The following DCTD variants were observed in gnomAD, a reference collection of about 807,000 sequenced individuals.
The protein encoded by DCTD is deoxycytidylate deaminase.
In DCTD, 23 loss-of-function variants were observed where a neutral mutation model predicts 21.0. The observed-to-expected ratio is 1.09, with a 90% CI of 0.79 to 1.55. The LOEUF is 1.55. Among genes scored for constraint, DCTD ranks in the 40% most tolerant of loss-of-function variants. The pLI, the probability that DCTD is intolerant of heterozygous loss-of-function variation, is 0.00. For missense variants in DCTD, 224 were observed against 230.0 expected (o/e 0.97, Z 0.17); for synonymous variants, 71 against 81.1 (o/e 0.88, Z 0.67).
At chr4:182,911,902 AG>A (rs1737748531) in intron 3 of DCTD, among the ~76,000 whole-genome samples, 1 of 152,210 alleles carries the variant, frequency 6.6e-6, no homozygotes, top group South Asian at 2.1e-4. Flanking sequence ...AGCATTATGC[AG>A]GGGTCCTGGA....
chr4:182,897,938 A>C (rs6854046), intron 3 of DCTD, among the ~76,000 whole-genome samples: 41,164 of 151,792 alleles, frequency 0.27, 5,693 homozygotes, highest in Non-Finnish European at 0.3. Context: ...GAAACTCTGA[A>C]CCTTGCTGTC....
chr4:182,891,875 C>T (rs766178506), intron 5 of DCTD, among the ~76,000 whole-genome samples: 4 of 151,562 alleles, frequency 2.6e-5, no homozygotes, highest in Non-Finnish European at 4.4e-5. Flanking sequence ...TTTCTTTTGC[C>T]GCTTATATAT....
chr4:182,915,710 C>A, intron 1 of DCTD, 135 bp from the exon 2 acceptor site: 4 of 780,680 alleles, frequency 5.1e-6, no homozygotes, highest in Non-Finnish European at 8.4e-6. Context: ...AATCAGAAAT[C>A]ACAGCACATG....
At chr4:182,895,216 C>T (rs958699471) in intron 3 of DCTD, among the ~76,000 whole-genome samples, 4 of 152,220 alleles carry the variant, frequency 2.6e-5, no homozygotes, top group Admixed American at 6.5e-5. Flanking sequence ...GGAGTACAGA[C>T]GTGCCACCAA....
intron 1 of DCTD, 188 bp from the exon 2 acceptor site, chr4:182,915,763 T>C (rs1009534207): frequency 2.4e-6 from 2 of 824,298 alleles, no homozygotes; most frequent in Non-Finnish European, 1.7e-6. Flanking sequence ...CTTAAGAAAT[T>C]TCCTATTTCA....
intron 3 of DCTD, among the ~76,000 whole-genome samples, chr4:182,912,624 C>G (rs976752497): frequency 6.6e-5 from 10 of 152,186 alleles, no homozygotes; most frequent in African/African-American, 2.4e-4. Context: ...AAAATTCCTT[C>G]TAGAAAGGGG....
chr4:182,891,485 TA>T lies in DCTD; in HGVS notation c.459-9del. On this transcript the variant is annotated splice_polypyrimidine_tract_variant and intron_variant, in intron 5 of 5. Transcript: ENST00000438320. ...CACTTCGGTATGAATTTCCTAAAAA[TA>T]AAAACAAAATACAATTATTATCTGG... The T allele has an allele frequency of 1.3e-6, 2 of 1,591,658 alleles. No individual in the cohort carries two copies. Among genetic ancestry groups the T allele is most frequent in the Middle Eastern group, 1.7e-4 (1 of 6,022 alleles).
chr4:182,891,371 AT>A lies in DCTD; in HGVS notation c.*27del. 6.6e-7 allele frequency: 1 copy of A among 1,515,948 alleles called. No individual in the cohort carries two copies. The highest frequency in any genetic ancestry group is 1.1e-5 in the South Asian group (1 of 88,954). The allele number at this position is 1,515,948 out of a possible 1,614,324, so 93.9% of individuals were successfully genotyped here. On this transcript the variant is annotated 3_prime_UTR_variant, in exon 6 of 6. Coordinates refer to ENST00000438320, the MANE Select transcript of DCTD (RefSeq NM_001921.3). The stretch of plus-strand genomic sequence containing the variant: ...AACCTCTTAGAAGACGATAATCCCA[AT>A]CTTCTGGAGATTGAATGAGATGTAA...
chr4:182,899,305 T>C (rs71620959), intron 3 of DCTD, among the ~76,000 whole-genome samples: 8,903 of 152,294 alleles, frequency 0.058, 400 homozygotes, highest in Admixed American at 0.12. Flanking sequence ...TTTACTTTTC[T>C]GTAGGTCCTT....
At chr4:182,916,955 C>T (rs1235812219) in intron 1 of DCTD, 3 of 995,190 alleles carry the variant, frequency 3.0e-6, no homozygotes, top group African/African-American at 3.5e-5. Context: ...GCAACCCCGT[C>T]AGCTCTGATC....
At chr4:182,892,622 C>T (rs1051370522) in intron 5 of DCTD, among the ~76,000 whole-genome samples, 3 of 69,024 alleles carry the variant, frequency 4.3e-5, no homozygotes, top group Admixed American at 1.8e-4. Context: ...AGCGAGACTC[C>T]GTCTCAAAAA....
chr4:182,915,007 T>G lies in DCTD; in HGVS notation c.160A>C (p.Asn54His). Residue 54 changes from asparagine (N) to histidine (H), a missense_variant, in exon 3 of 6, where the codon AAT (asparagine) becomes CAT (histidine). Coordinates refer to ENST00000438320, the MANE Select transcript of DCTD (RefSeq NM_001921.3). ...SENKIVGIGY[N>H]GMPNGCSDDV... ...TCACTGCACCCATTTGGCATCCCAT[T>G]GTACCCAATCCCGACAATCTTGTTT... 1 of 1,614,188 alleles carries G rather than the reference T, an allele frequency of 6.2e-7. No homozygotes were observed. The highest frequency in any genetic ancestry group is 8.5e-7 in the Non-Finnish European group (1 of 1,180,022).
chr4:182,917,580 G>T (rs1322393782), upstream of DCTD: 1 of 192,402 alleles, frequency 5.2e-6, no homozygotes, highest in East Asian at 1.4e-4. The surrounding 1 kb of genome is among the most constrained non-coding windows in gnomAD (Gnocchi z 4.9). Flanking sequence ...CCCGCGGTCC[G>T]GCCGGCGGTG....
intron 3 of DCTD, among the ~76,000 whole-genome samples, chr4:182,906,172 A>G: frequency 6.6e-6 from 1 of 152,030 alleles, no homozygotes; most frequent in East Asian, 1.9e-4. Context: ...TGCTCTAACA[A>G]ATATCATAAA....
chr4:182,915,161 G>A lies in DCTD; in HGVS notation c.109-103C>T, dbSNP rs898158700. ...GGGGACTGCAGAACTCAAAACAGAC[G>A]CATAGCTGCTGCAGGTGCTGAGAGC... On this transcript the variant is annotated intron_variant, in intron 2 of 5. Transcript: ENST00000438320. 7.9e-5 allele frequency: 113 copies of A among 1,422,948 alleles called. 1 individual carries two copies. In the East Asian group the frequency reaches 1.1e-3, roughly 14 times the overall value. The allele number at this position is 1,422,948 out of a possible 1,614,324, so 88.1% of individuals were successfully genotyped here. A position where few individuals can be genotyped will look rare whatever the true frequency, so the allele number is the denominator to read the frequency against.
intron 3 of DCTD, among the ~76,000 whole-genome samples, chr4:182,909,184 A>T (rs548117922): frequency 9.8e-5 from 15 of 152,336 alleles, no homozygotes; most frequent in South Asian, 2.1e-4. Flanking sequence ...ATCAAAATAA[A>T]TTATATTAAA....
At chr4:182,897,900 C>T (rs532040072) in intron 3 of DCTD, among the ~76,000 whole-genome samples, 22 of 152,324 alleles carry the variant, frequency 1.4e-4, no homozygotes, top group African/African-American at 4.8e-4. Context: ...TGACACTCGT[C>T]TATCAGCTCC....
chr4:182,898,621 C>G (rs1160711132), intron 3 of DCTD, among the ~76,000 whole-genome samples: 1 of 152,178 alleles, frequency 6.6e-6, no homozygotes, highest in East Asian at 1.9e-4. Flanking sequence ...CCAGCCCCTT[C>G]CTCCCTCCAT....
intron 3 of DCTD, among the ~76,000 whole-genome samples, chr4:182,913,683 C>A (rs551292352): frequency 1.5e-4 from 23 of 152,348 alleles, no homozygotes; most frequent in South Asian, 6.2e-4. Context: ...TCACTTCCAA[C>A]AGCGCCAGTC....
Sources: allele counts gnomAD v4.1 joint callset (sites outside exome capture counted in the v4.1 genomes callset), GRCh38; gene constraint gnomAD v4.1.1; non-coding constraint Gnocchi (gnomAD v3.1); transcripts MANE v1.5; gene names NCBI Gene and HGNC (gene_info 2026-07-23, HGNC 2026-07-21).